The following IL1RAP variants were observed in gnomAD, a reference collection of about 807,000 sequenced individuals.
IL1RAP encodes interleukin 1 receptor accessory protein.
In IL1RAP, 35 loss-of-function variants were observed where a neutral mutation model predicts 60.7. That is an observed-to-expected ratio of 0.58 (90% CI 0.44 to 0.76). The LOEUF (loss-of-function observed/expected upper bound fraction) is 0.76, where lower values mean the gene tolerates loss of function less well. Among genes scored for constraint, IL1RAP ranks in the 30% least tolerant of loss-of-function variants. The pLI is 0.00. For synonymous variants in IL1RAP, 268 were observed against 250.9 expected (o/e 1.07, Z -0.64); for missense variants, 572 against 693.9 (o/e 0.82, Z 1.97).
downstream of IL1RAP, among the ~76,000 whole-genome samples, chr3:190,654,144 A>C (rs1367886128): frequency 6.6e-6 from 1 of 151,742 alleles, no homozygotes; most frequent in Admixed American, 6.6e-5. Context: ...CTATTGGCAA[A>C]AACATACATT....
intron 5 of IL1RAP, among the ~76,000 whole-genome samples, chr3:190,610,428 A>G (rs765349235): frequency 2.6e-5 from 4 of 152,028 alleles, no homozygotes; most frequent in Admixed American, 1.3e-4. Flanking sequence ...AGAAATGAAG[A>G]TAATCTAAGA....
chr3:190,582,218 C>T (rs1436555516), intron 3 of IL1RAP, among the ~76,000 whole-genome samples: 10 of 152,024 alleles, frequency 6.6e-5, no homozygotes, highest in Admixed American at 6.6e-4. Context: ...TTGATCAATC[C>T]ATCTTTGCTC....
intron 1 of IL1RAP, among the ~76,000 whole-genome samples, chr3:190,524,741 A>G (rs79173224): frequency 0.03 from 4,551 of 152,306 alleles, 223 homozygotes; most frequent in African/African-American, 0.1. Flanking sequence ...TGATACATAA[A>G]TAAGTATATG....
intron 3 of IL1RAP, among the ~76,000 whole-genome samples, chr3:190,579,131 G>T (rs913078049): frequency 6.6e-6 from 1 of 152,154 alleles, no homozygotes; most frequent in Non-Finnish European, 1.5e-5. Flanking sequence ...GTTTTTAAAA[G>T]CTCAGTACTA....
rs370831252 is a variant in IL1RAP at position 190,606,625 on chromosome 3, A to G, written c.350+2212A>G. Among the ~76,000 whole-genome samples the G allele has an allele frequency of 1.2e-4, 18 of 152,196 alleles. No homozygotes were observed. In the East Asian group the frequency reaches 1.3e-3, roughly 11 times the overall value. On this transcript the variant is annotated intron_variant, in intron 4 of 11. Transcript: ENST00000447382. ...ATTATAGGAGTAGAGCTGCATGACT[A>G]TTAAGACCTGCATATACCTTTAATG...
chr3:190,639,070 G>C (rs1733452213), intron 9 of IL1RAP, among the ~76,000 whole-genome samples: 1 of 151,960 alleles, frequency 6.6e-6, no homozygotes, highest in African/African-American at 2.4e-5. Context: ...TATTGATTTT[G>C]AAAATCAAAT....
chr3:190,563,894 A>AT (rs991252168), intron 2 of IL1RAP: 3 of 162,600 alleles, frequency 1.8e-5, no homozygotes, highest in Admixed American at 6.1e-5. Context: ...CCAGATGAAT[A>AT]TTTTTTAAGT....
At chr3:190,531,489 C>A (rs1160314757) in intron 1 of IL1RAP, among the ~76,000 whole-genome samples, 1 of 150,678 alleles carries the variant, frequency 6.6e-6, no homozygotes, top group African/African-American at 2.4e-5. Flanking sequence ...GATACCTTAA[C>A]ACCCTCAGGA....
rs1734222054 is a variant in IL1RAP at position 190,648,810 on chromosome 3, T to G, written c.*105T>G. 6.8e-7 allele frequency: 1 copy of G among 1,469,994 alleles called. No homozygotes were observed. Among genetic ancestry groups the G allele is most frequent in the African/African-American group, 1.4e-5 (1 of 70,782 alleles). The allele number at this position is 1,469,994 out of a possible 1,614,324, so 91.1% of individuals were successfully genotyped here. A position where few individuals can be genotyped will look rare whatever the true frequency, so the allele number is the denominator to read the frequency against. On this transcript the variant is annotated 3_prime_UTR_variant, in exon 12 of 12. Transcript: ENST00000447382. ...GGTTTCATAGGCAAAAATAATGGTCTAAGCCTCCCAATAGGGATAAATTTA... is the reference window on the plus strand; with the variant it reads ...GGTTTCATAGGCAAAAATAATGGTCGAAGCCTCCCAATAGGGATAAATTTA...
chr3:190,601,247 G>C (rs1729835856), intron 3 of IL1RAP, among the ~76,000 whole-genome samples: 1 of 152,164 alleles, frequency 6.6e-6, no homozygotes, highest in African/African-American at 2.4e-5. Context: ...GCCTCCTAAA[G>C]TGTTGGAATT....
chr3:190,617,754 A>G (rs1211483281), intron 5 of IL1RAP, among the ~76,000 whole-genome samples: 1 of 152,166 alleles, frequency 6.6e-6, no homozygotes, highest in Non-Finnish European at 1.5e-5. Flanking sequence ...TCTCAGGTAC[A>G]TGTGTTGTGA....
chr3:190,608,780 CATTA>C (rs1277001182), intron 4 of IL1RAP, among the ~76,000 whole-genome samples: 1 of 151,880 alleles, frequency 6.6e-6, no homozygotes, highest in East Asian at 1.9e-4. Context: ...TACTTTAGTA[CATTA>C]ATAGTAGTTA....
Position 190,564,956 on chromosome 3 carries a change from C to T in IL1RAP, c.64+603C>T, listed in dbSNP as rs1227408912. ...AGAGACTTGCTATTTGAAAGTCCATCTTTTCAGATCTCCTCTTCTTCCCAG... is the reference window on the plus strand; with the variant it reads ...AGAGACTTGCTATTTGAAAGTCCATTTTTTCAGATCTCCTCTTCTTCCCAG... On this transcript the variant is annotated intron_variant, in intron 3 of 11. Transcript: ENST00000447382. Among the ~76,000 whole-genome samples, 4 of 152,232 alleles carry T rather than the reference C, an allele frequency of 2.6e-5. No individual in the cohort carries two copies. The East Asian group carries it at 7.7e-4, about 29-fold the overall frequency.
intron 1 of IL1RAP, among the ~76,000 whole-genome samples, chr3:190,520,921 A>G (rs976387454): frequency 6.6e-6 from 1 of 152,198 alleles, no homozygotes; most frequent in African/African-American, 2.4e-5. Flanking sequence ...ATGCTATGGC[A>G]ACTTAAAATT....
At chr3:190,615,290 A>G (rs1263329586) in intron 5 of IL1RAP, 3 of 1,271,584 alleles carry the variant, frequency 2.4e-6, no homozygotes, top group East Asian at 1.1e-4. Flanking sequence ...TACCATGTGT[A>G]TAAATGGGAG....
intron 3 of IL1RAP, among the ~76,000 whole-genome samples, chr3:190,587,804 G>A (rs1186738348): frequency 6.6e-6 from 1 of 152,214 alleles, no homozygotes; most frequent in Non-Finnish European, 1.5e-5. Context: ...GAGGTCAGTG[G>A]ATAGAGGACT....
chr3:190,574,374 A>G (rs1457028755), intron 3 of IL1RAP, among the ~76,000 whole-genome samples: 1 of 152,218 alleles, frequency 6.6e-6, no homozygotes, highest in Non-Finnish European at 1.5e-5. Flanking sequence ...TTGCAGATGA[A>G]TGAAGGAAAG....
intron 3 of IL1RAP, among the ~76,000 whole-genome samples, chr3:190,583,115 C>G (rs1728146553): frequency 3.9e-5 from 6 of 152,342 alleles, no homozygotes; most frequent in Admixed American, 1.3e-4. Context: ...CGCTGTACGT[C>G]TTTTTCATGA....
At chr3:190,594,168 A>G (rs1480759720) in intron 3 of IL1RAP, among the ~76,000 whole-genome samples, 1 of 152,222 alleles carries the variant, frequency 6.6e-6, no homozygotes, top group African/African-American at 2.4e-5. Context: ...TAAAATGCAG[A>G]TCGTGATTCA....
Sources: gnomAD v4.1 joint callset for allele counts (sites outside exome capture counted in the v4.1 genomes callset) on GRCh38, gnomAD v4.1.1 for gene constraint, MANE v1.5 for transcripts, NCBI Gene and HGNC (gene_info 2026-07-23, HGNC 2026-07-21) for gene names.